ATP13A2: variants seen among roughly 807,000 people sequenced by gnomAD.
ATP13A2 encodes polyamine-transporting ATPase 13A2.
Under a neutral mutation model 138.3 loss-of-function variants are expected in ATP13A2, and 83 were observed. The observed-to-expected ratio is 0.60, with a 90% CI of 0.50 to 0.72. The LOEUF (loss-of-function observed/expected upper bound fraction) is 0.72, where lower values mean the gene tolerates loss of function less well. Among genes scored for constraint, ATP13A2 ranks in the 30% least tolerant of loss-of-function variants. The pLI is 0.00. For synonymous variants in ATP13A2, 663 were observed against 699.0 expected, an observed-to-expected ratio of 0.95 and a Z score of 0.81; for missense variants, 1,402 against 1,606.4, an observed-to-expected ratio of 0.87 and a Z score of 2.17.
At chr1:16,993,457 C>A (rs966843779) in intron 16 of ATP13A2, among the ~76,000 whole-genome samples, 172 bp downstream of exon 16, 7 of 152,242 alleles carry the variant, frequency 4.6e-5, no homozygotes, top group Non-Finnish European at 8.8e-5. Flanking sequence ...CCGTCTTGGC[C>A]TCCCAAAGCG....
In ATP13A2 at chr1:17,004,534, G is replaced by T. The variant is rs2077478551; in HGVS notation, c.478-123C>A. The T allele has an allele frequency of 1.6e-5, 25 of 1,530,598 alleles. No homozygotes were observed. The South Asian group carries it at 2.9e-4, about 18-fold the overall frequency. 94.8% of individuals were successfully genotyped at this position (1,530,598 alleles called of 1,614,324 possible). A position where few individuals can be genotyped will look rare whatever the true frequency, so the allele number is the denominator to read the frequency against. ...GACTGGTGTCACCAGACAGAGAGGT[G>T]GGGAGAGGCCTGAAAGTGTAAACGT... On this transcript the variant is annotated intron_variant, in intron 5 of 28. Transcript: ENST00000326735. The surrounding 1 kb of genome is among the most constrained non-coding windows in gnomAD (Gnocchi z 4.1).
chr1:16,988,577 G>T, intron 23 of ATP13A2, 103 bp from the exon 24 acceptor site: 1 of 1,437,036 alleles, frequency 7.0e-7, no homozygotes, highest in Non-Finnish European at 9.8e-7. Context: ...GCCACATGGT[G>T]CCTGGTGTAC....
intron 7 of ATP13A2, 76 bp from the exon 8 acceptor site, chr1:17,002,179 A>T: frequency 1.3e-6 from 2 of 1,578,790 alleles, no homozygotes; most frequent in Non-Finnish European, 1.7e-6. Flanking sequence ...GGAGCTCCCC[A>T]CTTTCAGCTG....
At chr1:16,993,552 T>G in intron 16 of ATP13A2, 77 bp downstream of exon 16, 5 of 1,365,464 alleles carry the variant, frequency 3.7e-6, no homozygotes, top group Non-Finnish European at 4.0e-6. Flanking sequence ...CCCTGAAAGA[T>G]GGAGAGGGAA....
Position 16,990,198 on chromosome 1 carries a change from G to T in ATP13A2, c.2341C>A (p.Pro781Thr). The T allele has an allele frequency of 6.2e-7, 1 of 1,614,004 alleles. No individual in the cohort carries two copies. Among genetic ancestry groups the T allele is most frequent in the Non-Finnish European group, 8.5e-7 (1 of 1,180,044 alleles). The part of the protein sequence containing the change: ...EHLIIVHATH[P>T]ERGQPASLEF... ...AGAGAGGCAGGCTGACCCCGCTCAGGGTGGGTGGCGTGGACGATGATCAGA... is the reference window on the plus strand; with the variant it reads ...AGAGAGGCAGGCTGACCCCGCTCAGTGTGGGTGGCGTGGACGATGATCAGA... Residue 781 changes from proline (P) to threonine (T), a missense_variant, in exon 21 of 29, where the codon CCT (proline) becomes ACT (threonine). Transcript: ENST00000326735.
At chr1:17,006,368 A>G (rs1025628633) in intron 1 of ATP13A2, among the ~76,000 whole-genome samples, 10 of 150,072 alleles carry the variant, frequency 6.7e-5, no homozygotes, top group African/African-American at 2.0e-4. Context: ...CTCCTGCCTC[A>G]GCCTCCCGAG....
intron 15 of ATP13A2, among the ~76,000 whole-genome samples, chr1:16,994,578 C>G (rs1242362273): frequency 1.3e-5 from 2 of 152,100 alleles, no homozygotes; most frequent in African/African-American, 4.8e-5. Context: ...CCTGCGTTCC[C>G]CATCCTAGAC....
Position 16,986,006 on chromosome 1 carries a change from G to A in ATP13A2, c.*215C>T. 6.9e-7 allele frequency: 1 copy of A among 1,456,146 alleles called. No individual in the cohort carries two copies. The highest frequency in any genetic ancestry group is 1.5e-5 in the South Asian group (1 of 68,200). The allele number at this position is 1,456,146 out of a possible 1,614,324, so 90.2% of individuals were successfully genotyped here. On this transcript the variant is annotated 3_prime_UTR_variant, in exon 29 of 29. Coordinates refer to ENST00000326735, the MANE Select transcript of ATP13A2 (RefSeq NM_022089.4). The surrounding 1 kb of genome is among the most constrained non-coding windows in gnomAD (Gnocchi z 6.9). ...TTTGCTACACTGACAGCAGCACTGA[G>A]GGGAGCTGGGGGCTGCCACCCCTAC...
At chr1:16,994,636 A>G (rs940542064) in intron 15 of ATP13A2, among the ~76,000 whole-genome samples, 2 of 151,978 alleles carry the variant, frequency 1.3e-5, no homozygotes, top group African/African-American at 4.8e-5. Flanking sequence ...CCTGGGAACT[A>G]TAAGAATCTG....
chr1:17,002,486 C>T, intron 6 of ATP13A2, 113 bp from the exon 7 acceptor site: 1 of 1,279,208 alleles, frequency 7.8e-7, no homozygotes, highest in Non-Finnish European at 1.1e-6. Flanking sequence ...CGTTCTGCCA[C>T]ACTGAGCTCC....
rs761558105 is a variant in ATP13A2 at position 17,005,418 on chromosome 1, G to A, written c.244C>T (p.Leu82=). Residue 82 remains leucine, a synonymous_variant, in exon 3 of 29, where the codon CTG becomes TTG. Transcript: ENST00000326735. ...ATAACGAGTGTTTCGGCGTGGGCCA[G>A]GTTGCAGGGCCGGAGCCGCAGCCGC... The part of the protein sequence containing the change: ...GVRLRLRPCN[L]AHAETLVIEI... 2.2e-5 allele frequency: 35 copies of A among 1,612,860 alleles called. No homozygotes were observed. The highest frequency in any genetic ancestry group is 2.8e-5 in the Non-Finnish European group (33 of 1,179,508).
chr1:16,990,417 G>A, intron 20 of ATP13A2, 130 bp from the exon 21 acceptor site: 1 of 1,181,400 alleles, frequency 8.5e-7, no homozygotes, highest in Admixed American at 2.0e-5. Flanking sequence ...GCTGAGGCAG[G>A]TTACCAACAT....
chr1:17,001,142 G>A (rs752801348), intron 8 of ATP13A2, among the ~76,000 whole-genome samples: 1 of 151,944 alleles, frequency 6.6e-6, no homozygotes, highest in African/African-American at 2.4e-5. Context: ...TTCCAGCCAG[G>A]TGCGGTGGCT....
rs79258902 is a variant in ATP13A2, at chr1:16,995,902, C to T, written c.1542+74G>A. The T allele has an allele frequency of 3.8e-4, 596 of 1,564,928 alleles. 1 individual carries two copies. Among genetic ancestry groups the T allele is most frequent in the African/African-American group, 3.4e-3 (250 of 73,990 alleles). On this transcript the variant is annotated intron_variant, in intron 15 of 28. Transcript: ENST00000326735. The surrounding 1 kb of genome is among the most constrained non-coding windows in gnomAD (Gnocchi z 4.1). ...CCTGTGGGTGCTGCTGAGAGAATAA[C>T]GCGGGTGTGGAGGCCTCACTGGGGC...
rs1203273105 is a variant in ATP13A2 at position 16,996,084 on chromosome 1, A to G, written c.1434T>C (p.Thr478=). The part of the protein sequence containing the change: ...VVPPALPAAM[T]VCTLYAQSRL... ...GGCTCTGGGCGTAGAGCGTGCACAC[A>G]GTCATGGCAGCAGGCAGGGCAGGTG... Residue 478 remains threonine, a synonymous_variant, in exon 15 of 29, where the codon ACT becomes ACC. Transcript: ENST00000326735. 2.5e-6 allele frequency: 4 copies of G among 1,614,114 alleles called. No individual in the cohort carries two copies. Among genetic ancestry groups the G allele is most frequent in the Non-Finnish European group, 2.5e-6 (3 of 1,180,042 alleles).
rs1181050186 is a variant in ATP13A2 at position 16,993,773 on chromosome 1, T to C, written c.1605A>G (p.Ala535=). The change falls in exon 16 of 29, where the codon GCA becomes GCG. Residue 535 remains alanine, a synonymous_variant. Coordinates refer to ENST00000326735, the MANE Select transcript of ATP13A2 (RefSeq NM_022089.4). ...GAGGCTCTGGGACCAGGGGCAGGAA[T>C]GCCTGCCCCTTCAGGGGCACCACCC... ...VMGVVPLKGQ[A]FLPLVPEPRR... The C allele has an allele frequency of 1.3e-6, 2 of 1,587,916 alleles. No individual in the cohort carries two copies. The highest frequency in any genetic ancestry group is 3.5e-5 in the Admixed American group (2 of 56,506).
rs1036107864 is a variant in ATP13A2 at position 17,004,887 on chromosome 1, A to G, written c.348-66T>C. ...TGCCCTGGCACCTCCCTGTGCTCAC[A>G]GAGCCATCTTCCCTCCCTAGGATGG... On this transcript the variant is annotated intron_variant, in intron 4 of 28. Coordinates refer to ENST00000326735, the MANE Select transcript of ATP13A2 (RefSeq NM_022089.4). This position sits in a 1 kb window ranked among gnomAD's most constrained non-coding sequence, Gnocchi z 4.1. The G allele has an allele frequency of 1.4e-5, 22 of 1,613,222 alleles. No homozygotes were observed. In the East Asian group the frequency reaches 4.9e-4, roughly 36 times the overall value.
chr1:16,992,487 A>G lies in ATP13A2; in HGVS notation c.1844T>C (p.Met615Thr), dbSNP rs747785511. 6.2e-7 allele frequency: 1 copy of G among 1,614,068 alleles called. No individual in the cohort carries two copies. Among genetic ancestry groups the G allele is most frequent in the Non-Finnish European group, 8.5e-7 (1 of 1,179,990 alleles). Residue 615 changes from methionine (M) to threonine (T), a missense_variant and splice_region_variant, in exon 17 of 29, where the codon ATG becomes ACG. Physicochemically the swap from Met to Thr is moderately conservative, Grantham distance 81. Coordinates refer to ENST00000326735, the MANE Select transcript of ATP13A2 (RefSeq NM_022089.4). ...CCCAACAGGCCCCCCTCAGCTCACC[A>G]TTGCCTGCAGCTGGGGCTCCCAAAG... ...PPLWEPQLQAMEEPPVPVSVL... is the reference protein window; with the variant it reads ...PPLWEPQLQATEEPPVPVSVL...
At position 16,995,493 on chromosome 1, in the gene ATP13A2, T is replaced by C. The variant is rs151252603; in HGVS notation, c.1542+483A>G. 1,427 of 234,672 alleles carry C rather than the reference T, an allele frequency of 6.1e-3. 25 individuals carry two copies. Among genetic ancestry groups the C allele is most frequent in the African/African-American group, 0.031 (1,363 of 43,460 alleles). 14.5% of individuals were successfully genotyped at this position (234,672 alleles called of 1,614,324 possible). A position where few individuals can be genotyped will look rare whatever the true frequency, so the allele number is the denominator to read the frequency against. On this transcript the variant is annotated intron_variant, in intron 15 of 28. Transcript: ENST00000326735. This position sits in a 1 kb window ranked among gnomAD's most constrained non-coding sequence, Gnocchi z 4.1. ...GTAATTTTTTTTTTTTTTTGAGTTTTGCTCTGTCACCCAGGCTGGAGTACA... is the reference window on the plus strand; with the variant it reads ...GTAATTTTTTTTTTTTTTTGAGTTTCGCTCTGTCACCCAGGCTGGAGTACA...
Sources: allele counts gnomAD v4.1 joint callset (sites outside exome capture counted in the v4.1 genomes callset), GRCh38; gene constraint gnomAD v4.1.1; non-coding constraint Gnocchi (gnomAD v3.1); transcripts MANE v1.5; gene names NCBI Gene and HGNC (gene_info 2026-07-23, HGNC 2026-07-21).